The following COL11A1 variants were observed in gnomAD, a reference collection of about 807,000 sequenced individuals.
COL11A1 encodes collagen alpha-1(XI) chain.
In COL11A1, 74 loss-of-function variants were observed where a neutral mutation model predicts 265.2. The ratio of observed to expected loss-of-function variants is 0.28; its 90% CI spans 0.23 to 0.34. The LOEUF is 0.34. Among genes scored for constraint, COL11A1 ranks in the 10% least tolerant of loss-of-function variants. The probability of loss-of-function intolerance (pLI) is 1.00; values close to 1 mark genes in which losing one functional copy is unlikely to be tolerated. For synonymous variants in COL11A1, 816 were observed against 727.6 expected (o/e 1.12, Z -1.96); for missense variants, 2,165 against 2,263.6 (o/e 0.96, Z 0.88).
chr1:102,913,488 T>C (rs1654940960), intron 53 of COL11A1, 149 bp downstream of exon 53: 3 of 671,036 alleles, frequency 4.5e-6, no homozygotes, highest in Non-Finnish European at 8.0e-6. Context: ...TGATTTTTAA[T>C]GGGAATTCAA....
chr1:102,994,003 G>A (rs1167719831), intron 28 of COL11A1, among the ~76,000 whole-genome samples: 2 of 152,100 alleles, frequency 1.3e-5, no homozygotes. Context: ...GAGCTAATGT[G>A]AAATGCATGG....
intron 9 of COL11A1, 141 bp downstream of exon 9, chr1:103,021,566 C>G (rs1341359859): frequency 1.3e-5 from 9 of 668,616 alleles, no homozygotes; most frequent in Middle Eastern, 4.9e-4. Flanking sequence ...ACCTTATTAA[C>G]TTACTTATTT....
intron 4 of COL11A1, among the ~76,000 whole-genome samples, chr1:103,035,726 A>T (rs1018098741): frequency 6.6e-6 from 1 of 152,074 alleles, no homozygotes; most frequent in Non-Finnish European, 1.5e-5. Context: ...ATTTAAAATC[A>T]TCATAAGTAT....
At chr1:102,969,705 C>T (rs1487458953) in intron 37 of COL11A1, among the ~76,000 whole-genome samples, 1 of 152,032 alleles carries the variant, frequency 6.6e-6, no homozygotes, top group African/African-American at 2.4e-5. Context: ...TTTACTTTTT[C>T]CTATTTCACA....
chr1:103,013,423 G>A (rs1173441700), intron 13 of COL11A1, among the ~76,000 whole-genome samples: 1 of 151,724 alleles, frequency 6.6e-6, no homozygotes. Flanking sequence ...AAATATTTAA[G>A]TTCAAATAAT....
At chr1:102,997,163 T>A (rs748148046) in intron 25 of COL11A1, 39 bp from the exon 26 acceptor site, 2 of 1,489,038 alleles carry the variant, frequency 1.3e-6, no homozygotes, top group East Asian at 4.5e-5. Flanking sequence ...AGATGTAATA[T>A]AAACATAGTT....
At chr1:102,925,050 G>T (rs1057002285) in intron 46 of COL11A1, among the ~76,000 whole-genome samples, 3 of 151,564 alleles carry the variant, frequency 2.0e-5, no homozygotes, top group Middle Eastern at 3.4e-3. Context: ...TAATATTTTA[G>T]ATGTAATCTA....
chr1:103,083,081 T>C (rs2102325377), intron 1 of COL11A1, 109 bp from the exon 2 acceptor site: 1 of 1,060,772 alleles, frequency 9.4e-7, no homozygotes, highest in Non-Finnish European at 1.4e-6. Flanking sequence ...AATCTATTTA[T>C]CACTTGCCAT....
chr1:102,951,145 A>G (rs1659834037), intron 41 of COL11A1, among the ~76,000 whole-genome samples: 1 of 152,112 alleles, frequency 6.6e-6, no homozygotes, highest in South Asian at 2.1e-4. Flanking sequence ...CCATCTTACC[A>G]AAAAATTGTA....
rs201970483 is a variant in COL11A1, at chr1:102,940,314, A to C, written c.3384+13T>G. ...TTTCACAGGATCTACTAACACGAATAATGAATACCAACCTTGTCTCCGTCT... is the reference window on the plus strand; with the variant it reads ...TTTCACAGGATCTACTAACACGAATCATGAATACCAACCTTGTCTCCGTCT... On this transcript the variant is annotated intron_variant, in intron 43 of 66. Transcript: ENST00000370096. 3.5e-4 allele frequency: 559 copies of C among 1,602,420 alleles called. 4 individuals are homozygous for C. In the African/African-American group the frequency reaches 6.5e-3, roughly 19 times the overall value.
chr1:103,017,796 G>A, intron 11 of COL11A1, 24 bp downstream of exon 11: 1 of 1,584,134 alleles, frequency 6.3e-7, no homozygotes. Flanking sequence ...CATTTGTAAT[G>A]AGATATCATG....
chr1:102,946,750 G>T, intron 42 of COL11A1, 99 bp downstream of exon 42: 1 of 925,762 alleles, frequency 1.1e-6, no homozygotes, highest in Non-Finnish European at 1.7e-6. Context: ...CATATGCAGA[G>T]AGAATACGGT....
chr1:102,890,273 AT>A (rs1196653007), intron 58 of COL11A1, among the ~76,000 whole-genome samples, 177 bp downstream of exon 58: 2 of 152,124 alleles, frequency 1.3e-5, no homozygotes, highest in Non-Finnish European at 2.9e-5. Flanking sequence ...ATTTTTCACT[AT>A]TTGCATATTT....
chr1:102,917,833 A>G (rs1003368476), intron 49 of COL11A1, among the ~76,000 whole-genome samples: 1 of 151,670 alleles, frequency 6.6e-6, no homozygotes, highest in Non-Finnish European at 1.5e-5. Flanking sequence ...ATTCTGCTTC[A>G]AAAAAAGTAT....
intron 18 of COL11A1, among the ~76,000 whole-genome samples, chr1:103,005,076 T>G (rs1665473350): frequency 6.6e-6 from 1 of 152,076 alleles, no homozygotes; most frequent in Non-Finnish European, 1.5e-5. Flanking sequence ...ATAACTCAGG[T>G]GACTAAAGAA....
At chr1:103,053,506 C>A (rs914139683) in intron 4 of COL11A1, among the ~76,000 whole-genome samples, 8 of 152,278 alleles carry the variant, frequency 5.3e-5, no homozygotes, top group African/African-American at 1.9e-4. Flanking sequence ...GAAGCTTGGT[C>A]ATAAATAATG....
chr1:102,940,857 T>C (rs1235450231), intron 42 of COL11A1, among the ~76,000 whole-genome samples: 1 of 152,324 alleles, frequency 6.6e-6, no homozygotes, highest in Middle Eastern at 3.4e-3. Flanking sequence ...ATATGTTTCA[T>C]ATGTAACTTT....
intron 4 of COL11A1, among the ~76,000 whole-genome samples, chr1:103,059,335 G>T (rs1393511434): frequency 6.6e-6 from 1 of 152,004 alleles, no homozygotes; most frequent in Non-Finnish European, 1.5e-5. Flanking sequence ...CAGGGCTCAG[G>T]CTCACCAAAA....
intron 7 of COL11A1, among the ~76,000 whole-genome samples, chr1:103,024,699 G>T (rs1667383273): frequency 6.6e-6 from 1 of 151,978 alleles, no homozygotes; most frequent in South Asian, 2.1e-4. Context: ...CTAAAAGAAA[G>T]TTAAAATCCA....
Sources: allele counts gnomAD v4.1 joint callset (sites outside exome capture counted in the v4.1 genomes callset), GRCh38; gene constraint gnomAD v4.1.1; transcripts MANE v1.5; gene names NCBI Gene and HGNC (gene_info 2026-07-23, HGNC 2026-07-21).